The following ATP2B4 variants were observed in gnomAD, a reference collection of about 807,000 sequenced individuals.
ATP2B4 encodes the protein plasma membrane calcium-transporting ATPase 4.
In ATP2B4, 39 loss-of-function variants were observed where a neutral mutation model predicts 110.3. The ratio of observed to expected loss-of-function variants is 0.35; its 90% confidence interval spans 0.27 to 0.46. ATP2B4 has a LOEUF of 0.46. ATP2B4 is among the 20% of genes least tolerant of loss of function. The probability of loss-of-function intolerance (pLI) is 1.00; values close to 1 mark genes in which losing one functional copy is unlikely to be tolerated. For missense variants in ATP2B4, 1,135 were observed against 1,530.9 expected (o/e 0.74, Z 4.32); for synonymous variants, 538 against 571.7 (o/e 0.94, Z 0.84).
At chr1:203,628,250 G>T (rs1157549636) in intron 1 of ATP2B4, among the ~76,000 whole-genome samples, 2 of 152,072 alleles carry the variant, frequency 1.3e-5, no homozygotes, top group East Asian at 3.9e-4. Flanking sequence ...TGGTAGAGGG[G>T]GCTGCTGGCA....
At chr1:203,668,798 C>T (rs893822120) in intron 1 of ATP2B4, among the ~76,000 whole-genome samples, 11 of 152,282 alleles carry the variant, frequency 7.2e-5, no homozygotes, top group African/African-American at 2.6e-4. Context: ...AGAAATTATC[C>T]AGGCAAGGAT....
chr1:203,734,084 G>T (rs1297000971), intron 20 of ATP2B4, among the ~76,000 whole-genome samples: 2 of 152,128 alleles, frequency 1.3e-5, no homozygotes, highest in Non-Finnish European at 2.9e-5. Flanking sequence ...AGCAGATCAC[G>T]AGGTCAGGAG....
chr1:203,665,084 G>A (rs1057255850), intron 1 of ATP2B4, among the ~76,000 whole-genome samples: 1 of 152,188 alleles, frequency 6.6e-6, no homozygotes, highest in Non-Finnish European at 1.5e-5. Flanking sequence ...CTCCCAAAGT[G>A]CTGGGATTAC....
rs1208848981 is a variant in ATP2B4, at chr1:203,629,896, TGA to T, written c.-465+2682_-465+2683del. Among the ~76,000 whole-genome samples the T allele has an allele frequency of 1.3e-5, 2 of 152,140 alleles. No homozygotes were observed. The highest frequency in any genetic ancestry group is 2.9e-5 in the Non-Finnish European group (2 of 68,004). On this transcript the variant is annotated intron_variant, in intron 1 of 20. Coordinates refer to ENST00000357681, the MANE Select transcript of ATP2B4 (RefSeq NM_001684.5). This position sits in a 1 kb window ranked among gnomAD's most constrained non-coding sequence, Gnocchi z 4.6. ...GTTAGAGCGCTGGGTCAAGGCATGT[TGA>T]GAGAAGCACGGGCAGTTTGGGGGCC... is the stretch of plus-strand genomic sequence containing the variant.
chr1:203,644,047 C>T (rs928629699), intron 1 of ATP2B4, among the ~76,000 whole-genome samples: 1 of 151,934 alleles, frequency 6.6e-6, no homozygotes, highest in Non-Finnish European at 1.5e-5. Flanking sequence ...ATTAGGGGTT[C>T]GAGGCCAGCT....
chr1:203,703,941 G>A lies in ATP2B4; in HGVS notation c.1099+128G>A, dbSNP rs1267213475. On this transcript the variant is annotated intron_variant, in intron 8 of 20. Transcript: ENST00000357681. The stretch of plus-strand genomic sequence containing the variant: ...TGAAACTTCAGGGTGGCTAGTTGGG[G>A]CTAGGCGGCTGTTTCCCTATCTCCG... The A allele has an allele frequency of 3.9e-5, 48 of 1,217,170 alleles. No homozygotes were observed. In the East Asian group the frequency reaches 1.1e-3, roughly 29 times the overall value. 75.4% of individuals were successfully genotyped at this position (1,217,170 alleles called of 1,614,324 possible).
chr1:203,654,532 T>G (rs1025053848), intron 1 of ATP2B4, among the ~76,000 whole-genome samples: 1 of 152,234 alleles, frequency 6.6e-6, no homozygotes, highest in African/African-American at 2.4e-5. Flanking sequence ...ATGATTCCTC[T>G]GATGGATCTG....
At chr1:203,723,299 C>G (rs999561872) in intron 18 of ATP2B4, among the ~76,000 whole-genome samples, 16 of 148,574 alleles carry the variant, frequency 1.1e-4, no homozygotes, top group Non-Finnish European at 1.9e-4. Flanking sequence ...CAGATGGGGT[C>G]TCACTCTGTT....
chr1:203,700,234 G>C lies in ATP2B4; in HGVS notation c.678G>C (p.Leu226=). The part of the protein sequence containing the change: ...YGDLLPADGI[L]IQGNDLKIDE... The stretch of plus-strand genomic sequence containing the variant: ...ATCTGCTGCCTGCAGATGGAATCCT[G>C]ATCCAAGGGAATGATCTGAAGATTG... Residue 226 remains leucine, a synonymous_variant, in exon 5 of 21, where the codon CTG becomes CTC. Transcript: ENST00000357681. The C allele has an allele frequency of 1.2e-6, 2 of 1,613,810 alleles. No homozygotes were observed. Among genetic ancestry groups the C allele is most frequent in the South Asian group, 1.1e-5 (1 of 91,054 alleles).
intron 1 of ATP2B4, among the ~76,000 whole-genome samples, chr1:203,668,789 G>A (rs534425948): frequency 6.6e-6 from 1 of 152,342 alleles, no homozygotes; most frequent in African/African-American, 2.4e-5. Flanking sequence ...ATTGGTTTCA[G>A]AAATTATCCA....
intron 1 of ATP2B4, among the ~76,000 whole-genome samples, chr1:203,661,407 G>A (rs1483160669): frequency 3.3e-5 from 5 of 152,172 alleles, no homozygotes; most frequent in Non-Finnish European, 7.3e-5. Flanking sequence ...TCCCAAGGTT[G>A]TTGAGAGGAT....
intron 1 of ATP2B4, among the ~76,000 whole-genome samples, chr1:203,674,122 C>T (rs958434553): frequency 1.6e-4 from 24 of 152,268 alleles, no homozygotes; most frequent in African/African-American, 4.8e-4. Flanking sequence ...AGCTTCCTGC[C>T]GCAGCTCTGA....
chr1:203,628,764 G>A (rs868491388), intron 1 of ATP2B4, among the ~76,000 whole-genome samples: 14 of 152,176 alleles, frequency 9.2e-5, no homozygotes, highest in African/African-American at 3.1e-4. Flanking sequence ...GCCAGGCCCA[G>A]GAAAGCAGCC....
At chr1:203,739,524 C>T (rs746428825) in intron 20 of ATP2B4, 22 bp from the exon 21 acceptor site, 21 of 1,597,126 alleles carry the variant, frequency 1.3e-5, no homozygotes, top group Admixed American at 1.0e-4. Flanking sequence ...TTCTCATCCT[C>T]CTTTTCCTTC....
At chr1:203,703,900 A>G (rs966067088) in intron 8 of ATP2B4, 87 bp downstream of exon 8, 6 of 1,461,634 alleles carry the variant, frequency 4.1e-6, no homozygotes, top group Non-Finnish European at 5.5e-6. Context: ...ACCGACCGAG[A>G]CTGGCAGAAA....
At chr1:203,651,259 G>T (rs747818571) in intron 1 of ATP2B4, among the ~76,000 whole-genome samples, 4 of 151,750 alleles carry the variant, frequency 2.6e-5, no homozygotes, top group Non-Finnish European at 4.4e-5. Flanking sequence ...TTCATTTCTA[G>T]TTCTATCTCT....
At chr1:203,732,769 T>G (rs1163759009) in intron 20 of ATP2B4, among the ~76,000 whole-genome samples, 18 of 148,930 alleles carry the variant, frequency 1.2e-4, no homozygotes, top group Non-Finnish European at 2.2e-4. Context: ...GAACCGAGAG[T>G]GTGCCACTGC....
intron 11 of ATP2B4, among the ~76,000 whole-genome samples, 172 bp from the exon 12 acceptor site, chr1:203,710,705 C>T (rs1665981293): frequency 6.6e-6 from 1 of 152,172 alleles, no homozygotes; most frequent in South Asian, 2.1e-4. Flanking sequence ...ATCCACAGCC[C>T]ACCTACCTTG....
intron 20 of ATP2B4, among the ~76,000 whole-genome samples, chr1:203,730,708 TC>T (rs1195169658): frequency 6.6e-6 from 1 of 152,216 alleles, no homozygotes; most frequent in African/African-American, 2.4e-5. Flanking sequence ...CTCTACAAGG[TC>T]TTTTTGGTTT....
Sources: allele counts gnomAD v4.1 joint callset (sites outside exome capture counted in the v4.1 genomes callset), GRCh38; gene constraint gnomAD v4.1.1; non-coding constraint Gnocchi (gnomAD v3.1); transcripts MANE v1.5; gene names NCBI Gene and HGNC (gene_info 2026-07-23, HGNC 2026-07-21).